The following AR variants were observed in gnomAD, a reference collection of about 807,000 sequenced individuals.
AR encodes the protein androgen receptor, also known as dihydrotestosterone receptor.
AR carries 8 observed loss-of-function variants against 53.9 expected under a neutral mutation model. The observed-to-expected ratio is 0.15, with a 90% CI of 0.09 to 0.27. The LOEUF is 0.27. Among genes scored for constraint, AR ranks in the 10% least tolerant of loss-of-function variants. The probability of loss-of-function intolerance (pLI) is 1.00; values close to 1 mark genes in which losing one functional copy is unlikely to be tolerated. For synonymous variants in AR, 359 were observed against 316.4 expected (o/e 1.13, Z -1.43); for missense variants, 639 against 742.5 (o/e 0.86, Z 1.62).
intron 2 of AR, among the ~76,000 whole-genome samples, chrX:67,665,104 G>A (rs777601843): frequency 8.9e-6 from 1 of 112,755 alleles, no homozygotes; most frequent in African/African-American, 3.2e-5. Context: ...CTCATGCTCG[G>A]TGCGCTGCAC....
chrX:67,718,300 A>T (rs932658654), intron 5 of AR, among the ~76,000 whole-genome samples: 1 of 111,309 alleles, frequency 9.0e-6, no homozygotes, highest in Non-Finnish European at 1.9e-5. Context: ...TGACCTTGGT[A>T]CTGCCATTTT....
At chrX:67,716,377 C>A (rs1329536887) in intron 4 of AR, among the ~76,000 whole-genome samples, 1 of 111,848 alleles carries the variant, frequency 8.9e-6, no homozygotes, top group African/African-American at 3.3e-5. Flanking sequence ...GAAGAGGTAG[C>A]CTTTGAGTGA....
chrX:67,603,980 G>A (rs941893596), intron 1 of AR, among the ~76,000 whole-genome samples: 4 of 111,224 alleles, frequency 3.6e-5, no homozygotes, highest in Non-Finnish European at 5.7e-5. Flanking sequence ...TGCTGAGATA[G>A]ATTGAAATCA....
chrX:67,612,493 G>T (rs968802018), intron 1 of AR, among the ~76,000 whole-genome samples: 1 of 112,010 alleles, frequency 8.9e-6, no homozygotes, highest in African/African-American at 3.2e-5. Flanking sequence ...GTTTCCCCGT[G>T]TGGGGCAACT....
At chrX:67,639,897 G>T (rs1366354476) in intron 1 of AR, among the ~76,000 whole-genome samples, 1 of 111,285 alleles carries the variant, frequency 9.0e-6, no homozygotes, top group African/African-American at 3.3e-5. Flanking sequence ...GTCTTGTTCT[G>T]GTTTTCAAAG....
chrX:67,551,251 A>G (rs1021636432), intron 1 of AR, among the ~76,000 whole-genome samples: 2 of 110,158 alleles, frequency 1.8e-5, no homozygotes, highest in African/African-American at 6.6e-5. Flanking sequence ...CTGGATCACA[A>G]GCAGTACCCA....
chrX:67,686,653 G>A (rs921737820), intron 3 of AR, among the ~76,000 whole-genome samples: 11 of 111,808 alleles, frequency 9.8e-5, no homozygotes, highest in Non-Finnish European at 5.6e-5. Flanking sequence ...TGACTAGGCT[G>A]CCACACAGAG....
At chrX:67,697,861 A>T (rs903205518) in intron 3 of AR, among the ~76,000 whole-genome samples, 2 of 111,822 alleles carry the variant, frequency 1.8e-5, no homozygotes, top group Non-Finnish European at 3.8e-5. Context: ...CTTCAGTGTC[A>T]TTATTGCATT....
At position 67,546,439 on chromosome X, in the gene AR, T is replaced by C. The variant is rs778996505; in HGVS notation, c.1293T>C (p.Ala431=). Residue 431 remains alanine (A), a synonymous_variant, in exon 1 of 8, where the codon GCT becomes GCC. Coordinates refer to ENST00000374690, the MANE Select transcript of AR (RefSeq NM_000044.6). ...GTTCTGGGTCACCCTCAGCCGCCGC[T>C]TCCTCATCCTGGCACACTCTCTTCA... ...GPGSGSPSAA[A]SSSWHTLFTA... is the part of the protein sequence containing the mutation. 1 of 1,184,162 alleles carries C rather than the reference T, an allele frequency of 8.4e-7. No individual in the cohort carries two copies. The highest frequency in any genetic ancestry group is 1.1e-6 in the Non-Finnish European group (1 of 882,376).
At chrX:67,577,006 T>G (rs368641896) in intron 1 of AR, among the ~76,000 whole-genome samples, 1 of 97,459 alleles carries the variant, frequency 1.0e-5, no homozygotes, top group African/African-American at 4.0e-5. Flanking sequence ...CTCTCTCTCT[T>G]TTTTTTTTTT....
chrX:67,555,074 A>C (rs1180468104), intron 1 of AR, among the ~76,000 whole-genome samples: 2 of 111,108 alleles, frequency 1.8e-5, no homozygotes, highest in African/African-American at 6.6e-5. Flanking sequence ...GCCACTAAAA[A>C]CAAAAACAAA....
At chrX:67,571,979 A>G (rs1285921138) in intron 1 of AR, among the ~76,000 whole-genome samples, 2 of 111,291 alleles carry the variant, frequency 1.8e-5, no homozygotes, top group African/African-American at 6.5e-5. Context: ...TGGGCTCTAC[A>G]TTGCAGCCAA....
At chrX:67,697,766 G>T (rs1427674761) in intron 3 of AR, among the ~76,000 whole-genome samples, 2 of 111,601 alleles carry the variant, frequency 1.8e-5, no homozygotes, top group African/African-American at 6.5e-5. Flanking sequence ...GAAATCAAGA[G>T]ATCTGTTCAA....
intron 1 of AR, among the ~76,000 whole-genome samples, chrX:67,633,490 A>T (rs1423432850): frequency 8.9e-6 from 1 of 112,315 alleles, no homozygotes; most frequent in Non-Finnish European, 1.9e-5. Context: ...ATAGTATACT[A>T]TGGTGTACAT....
At chrX:67,687,979 A>G (rs2075976091) in intron 3 of AR, among the ~76,000 whole-genome samples, 1 of 112,581 alleles carries the variant, frequency 8.9e-6, no homozygotes. Flanking sequence ...TCACTATACT[A>G]TATAACCGTC....
chrX:67,631,791 T>C (rs1925139058), intron 1 of AR, among the ~76,000 whole-genome samples: 1 of 112,433 alleles, frequency 8.9e-6, no homozygotes, highest in African/African-American at 3.2e-5. Flanking sequence ...TGGTGTTTGA[T>C]GATGGTGATG....
intron 3 of AR, among the ~76,000 whole-genome samples, chrX:67,706,710 T>G (rs1250773582): frequency 9.0e-6 from 1 of 111,677 alleles, no homozygotes; most frequent in Non-Finnish European, 1.9e-5. Flanking sequence ...TGTTTGCTCT[T>G]CCTTCTCTAG....
chrX:67,660,022 G>T lies in AR; in HGVS notation c.1768+16615G>T, dbSNP rs1212332970. Among the ~76,000 whole-genome samples the T allele has an allele frequency of 8.0e-5, 9 of 111,974 alleles. No individual in the cohort carries two copies. In the Admixed American group the frequency reaches 8.5e-4, roughly 11 times the overall value. On this transcript the variant is annotated intron_variant, in intron 2 of 7. Coordinates refer to ENST00000374690, the MANE Select transcript of AR (RefSeq NM_000044.6). Reference sequence around the variant, plus strand: ...GCTGTGTAAATGTCTTCTTTGAGACGTGTCTGTTCATATCCTTTGCCCACT... The same window carrying T: ...GCTGTGTAAATGTCTTCTTTGAGACTTGTCTGTTCATATCCTTTGCCCACT...
chrX:67,645,392 G>A (rs1327333944), intron 2 of AR, among the ~76,000 whole-genome samples: 1 of 111,285 alleles, frequency 9.0e-6, no homozygotes, highest in African/African-American at 3.3e-5. Flanking sequence ...TGGCAGGGCT[G>A]CCTGGGAGGA....
Sources: gnomAD v4.1 joint callset for allele counts (sites outside exome capture counted in the v4.1 genomes callset) on GRCh38, gnomAD v4.1.1 for gene constraint, MANE v1.5 for transcripts, NCBI Gene and HGNC (gene_info 2026-07-23, HGNC 2026-07-21) for gene names.